OPRM1: variants seen among roughly 807,000 people sequenced by gnomAD.
The protein encoded by OPRM1 is opioid receptor mu 1.
In OPRM1, 27 loss-of-function variants were observed where a neutral mutation model predicts 31.8. The ratio of observed to expected loss-of-function variants is 0.85; its 90% confidence interval spans 0.63 to 1.17. The LOEUF (loss-of-function observed/expected upper bound fraction) is 1.17, where lower values mean the gene tolerates loss of function less well. OPRM1 is among the 50% of genes most tolerant of loss of function. The probability of loss-of-function intolerance (pLI) is 0.00; values close to 1 mark genes in which losing one functional copy is unlikely to be tolerated. For synonymous variants in OPRM1, 196 were observed against 189.9 expected, an observed-to-expected ratio of 1.03 and a Z score of -0.26; for missense variants, 536 against 511.1, an observed-to-expected ratio of 1.05 and a Z score of -0.47.
intron 1 of OPRM1, chr6:154,086,488 T>C (rs1183614272): frequency 1.6e-6 from 1 of 621,876 alleles, no homozygotes; most frequent in African/African-American, 2.0e-5. Flanking sequence ...TGTTTTGAAA[T>C]GTATACACAT....
intron 1 of OPRM1, among the ~76,000 whole-genome samples, chr6:154,026,346 T>C: frequency 6.6e-6 from 1 of 152,250 alleles, no homozygotes; most frequent in Non-Finnish European, 1.5e-5. Context: ...TCTTTTTTAT[T>C]GCTGCTTTTA....
intron 1 of OPRM1, among the ~76,000 whole-genome samples, chr6:154,062,020 T>C (rs1784527529): frequency 1.3e-5 from 2 of 152,178 alleles, no homozygotes; most frequent in African/African-American, 4.8e-5. Context: ...GTGTGAAATG[T>C]ATAACTTTGA....
At chr6:154,081,160 G>A (rs1016004065) in intron 1 of OPRM1, among the ~76,000 whole-genome samples, 2 of 152,240 alleles carry the variant, frequency 1.3e-5, no homozygotes, top group Non-Finnish European at 2.9e-5. Flanking sequence ...CAGAGAGGTT[G>A]TGAGTCAGTT....
At chr6:154,014,427 A>T (rs370901279) in intron 1 of OPRM1, among the ~76,000 whole-genome samples, 1 of 152,314 alleles carries the variant, frequency 6.6e-6, no homozygotes, top group Non-Finnish European at 1.5e-5. Context: ...GGTTGTCATT[A>T]AAAAAGTGAA....
At chr6:154,160,685 CA>C (rs1798937214) in intron 3 of OPRM1, among the ~76,000 whole-genome samples, 1 of 152,118 alleles carries the variant, frequency 6.6e-6, no homozygotes, top group Admixed American at 6.5e-5. Flanking sequence ...ATGTCTAGCT[CA>C]GGTTAGAGTT....
At chr6:154,166,296 A>G (rs1219951394) in intron 3 of OPRM1, among the ~76,000 whole-genome samples, 4 of 152,238 alleles carry the variant, frequency 2.6e-5, no homozygotes, top group African/African-American at 9.6e-5. Flanking sequence ...CCCAGTGGCC[A>G]GGTGAGGGCA....
intron 3 of OPRM1, among the ~76,000 whole-genome samples, chr6:154,201,625 T>C (rs1777075538): frequency 1.3e-5 from 2 of 152,234 alleles, no homozygotes; most frequent in African/African-American, 2.4e-5. Context: ...CCAGGCGCGG[T>C]GGCTCATGCC....
In OPRM1 at chr6:154,085,888, C is replaced by CTTTTTTTTTTTTTTTT. The variant is rs779654564; in HGVS notation, c.291-3936_291-3921dup. 1.9e-4 allele frequency among the ~76,000 whole-genome samples: 23 copies of CTTTTTTTTTTTTTTTT among 123,942 alleles called. 1 individual carries two copies. The highest frequency in any genetic ancestry group is 2.6e-4 in the Non-Finnish European group (16 of 60,876). The allele number at this position is 123,942 out of a possible 152,430, so 81.3% of individuals were successfully genotyped here. On this transcript the variant is annotated intron_variant, in intron 1 of 3. Transcript: ENST00000330432. ...CATCAGAACAGAATGAAAGCTTGCCCTTTTTTTTTTTTTTTTTGAGACAGT... is the reference window on the plus strand; with the variant it reads ...CATCAGAACAGAATGAAAGCTTGCCCTTTTTTTTTTTTTTTTTTTTTTTTTTTTTTTTTGAGACAGT...
chr6:154,025,685 T>G (rs1028198311), intron 1 of OPRM1, among the ~76,000 whole-genome samples: 4 of 152,076 alleles, frequency 2.6e-5, no homozygotes, highest in Non-Finnish European at 5.9e-5. Context: ...CTATTTTTTG[T>G]GTATCCTGTG....
intron 3 of OPRM1, among the ~76,000 whole-genome samples, chr6:154,204,252 C>G (rs1303683858): frequency 1.3e-5 from 2 of 152,062 alleles, no homozygotes; most frequent in Non-Finnish European, 2.9e-5. Context: ...GTTTTTCAAA[C>G]ACAAGTTTGA....
chr6:154,229,704 G>A (rs1421567590), intron 3 of OPRM1, among the ~76,000 whole-genome samples: 1 of 152,102 alleles, frequency 6.6e-6, no homozygotes, highest in Non-Finnish European at 1.5e-5. Context: ...ATACAACTGA[G>A]CAATTCTACT....
At chr6:154,214,910 A>G (rs965219541) in intron 3 of OPRM1, among the ~76,000 whole-genome samples, 1 of 152,242 alleles carries the variant, frequency 6.6e-6, no homozygotes, top group Non-Finnish European at 1.5e-5. Flanking sequence ...CAGAAACTCA[A>G]ACTTGGCTTA....
intron 3 of OPRM1, among the ~76,000 whole-genome samples, chr6:154,197,022 T>C (rs1776674242): frequency 6.6e-6 from 1 of 152,192 alleles, no homozygotes; most frequent in African/African-American, 2.4e-5. Flanking sequence ...ACTCAGTTAT[T>C]AATCTTTAAG....
chr6:154,210,693 G>A (rs931015237), intron 3 of OPRM1, among the ~76,000 whole-genome samples: 20 of 152,202 alleles, frequency 1.3e-4, no homozygotes, highest in African/African-American at 4.3e-4. Context: ...GGATTACACT[G>A]GGGAGAAGCT....
intron 1 of OPRM1, among the ~76,000 whole-genome samples, chr6:154,031,482 C>A (rs982754422): frequency 6.6e-6 from 1 of 152,096 alleles, no homozygotes; most frequent in Non-Finnish European, 1.5e-5. Context: ...CGCCTGTAAT[C>A]CTAGCACTTT....
chr6:154,011,911 C>T (rs1777750549), intron 1 of OPRM1, among the ~76,000 whole-genome samples: 2 of 152,060 alleles, frequency 1.3e-5, no homozygotes, highest in Admixed American at 6.6e-5. Context: ...TGAGAGTCAA[C>T]GTGAGTCTAC....
At chr6:154,056,595 C>A (rs375014162) in intron 1 of OPRM1, among the ~76,000 whole-genome samples, 4 of 151,506 alleles carry the variant, frequency 2.6e-5, no homozygotes, top group African/African-American at 9.7e-5. Context: ...GAATGACAAC[C>A]TGGAATCTTA....
intron 1 of OPRM1, among the ~76,000 whole-genome samples, chr6:154,033,883 T>G (rs1583159120): frequency 2.0e-5 from 3 of 152,294 alleles, no homozygotes; most frequent in African/African-American, 7.2e-5. Flanking sequence ...CTGTATTGTA[T>G]TTTTGCACAA....
intron 1 of OPRM1, among the ~76,000 whole-genome samples, chr6:154,061,218 A>G (rs1009068413): frequency 1.3e-5 from 2 of 152,168 alleles, no homozygotes; most frequent in African/African-American, 4.8e-5. Flanking sequence ...CAGTAAGTGA[A>G]TTAAATACTT....
Sources: allele counts gnomAD v4.1 joint callset (sites outside exome capture counted in the v4.1 genomes callset), GRCh38; gene constraint gnomAD v4.1.1; transcripts MANE v1.5; gene names NCBI Gene and HGNC (gene_info 2026-07-23, HGNC 2026-07-21).